SOX5: variants seen among roughly 807,000 people sequenced by gnomAD.
The protein encoded by SOX5 is SRY-box transcription factor 5.
A neutral mutation model predicts 92.0 loss-of-function variants in SOX5; 9 were observed. That is an observed-to-expected ratio of 0.10 (90% CI 0.06 to 0.17). The LOEUF is 0.17. Among genes scored for constraint, SOX5 ranks in the 10% least tolerant of loss-of-function variants. The probability of loss-of-function intolerance (pLI) is 1.00; values close to 1 mark genes in which losing one functional copy is unlikely to be tolerated. For synonymous variants in SOX5, 344 were observed against 336.3 expected, an observed-to-expected ratio of 1.02 and a Z score of -0.25; for missense variants, 642 against 944.5, an observed-to-expected ratio of 0.68 and a Z score of 4.20.
Position 23,669,814 on chromosome 12 carries a change from C to T in SOX5, c.811-4250G>A, listed in dbSNP as rs116586624. 2.2e-3 allele frequency among the ~76,000 whole-genome samples: 330 copies of T among 152,174 alleles called. 2 individuals are homozygous for T. Among genetic ancestry groups the T allele is most frequent in the African/African-American group, 7.6e-3 (317 of 41,526 alleles). On this transcript the variant is annotated intron_variant, in intron 6 of 14. Coordinates refer to ENST00000451604, the MANE Select transcript of SOX5 (RefSeq NM_006940.6). ...AATTTTCATGCAAAAGTGATGGCTA[C>T]GGTTTTGGATATGACGTGGCTGAGG...
At chr12:24,108,293 TG>T (rs1946915401) in intron 4 of SOX5, among the ~76,000 whole-genome samples, 1 of 151,966 alleles carries the variant, frequency 6.6e-6, no homozygotes, top group South Asian at 2.1e-4. Flanking sequence ...GGATGTTTTT[TG>T]TTAATTATAG....
chr12:24,282,910 C>A (rs2140429926), intron 2 of SOX5, among the ~76,000 whole-genome samples: 1 of 152,336 alleles, frequency 6.6e-6, no homozygotes, highest in East Asian at 1.9e-4. Context: ...GTGTAGACAG[C>A]TTTACCTTTG....
At chr12:23,848,260 TAAAATATCA>T (rs2096596358) in intron 2 of SOX5, among the ~76,000 whole-genome samples, 1 of 152,132 alleles carries the variant, frequency 6.6e-6, no homozygotes, top group Admixed American at 6.5e-5. Flanking sequence ...TCAAGTCTAT[TAAAATATCA>T]AAAATATCAA....
intron 3 of SOX5, among the ~76,000 whole-genome samples, chr12:23,761,978 A>G (rs1444511939): frequency 6.6e-6 from 1 of 152,168 alleles, no homozygotes; most frequent in African/African-American, 2.4e-5. Flanking sequence ...TTATTAAGTT[A>G]TGTATAATAA....
At chr12:23,905,959 A>G (rs1047917852) in intron 1 of SOX5, among the ~76,000 whole-genome samples, 1 of 152,194 alleles carries the variant, frequency 6.6e-6, no homozygotes, top group Non-Finnish European at 1.5e-5. Context: ...TTGGTCACAG[A>G]GTCTCTCTAA....
chr12:24,127,031 C>T (rs1262137900), intron 4 of SOX5, among the ~76,000 whole-genome samples: 1 of 151,926 alleles, frequency 6.6e-6, no homozygotes, highest in African/African-American at 2.4e-5. Context: ...ACTACAAATG[C>T]ATTTAACATA....
rs1001683184 is a variant in SOX5 at position 24,105,935 on chromosome 12, C to T, written c.-2+107408G>A. On this transcript the variant is annotated intron_variant, in intron 4 of 4. Coordinates refer to the SOX5 transcript ENST00000446891. Reference sequence around the variant, plus strand: ...AGTTAGGAAATTATTTCATTCTTTTCCCCTAATACTTTAGAATATCTTCCT... The same window carrying T: ...AGTTAGGAAATTATTTCATTCTTTTTCCCTAATACTTTAGAATATCTTCCT... 5.2e-4 allele frequency among the ~76,000 whole-genome samples: 79 copies of T among 152,216 alleles called. 1 individual carries two copies. Among genetic ancestry groups the T allele is most frequent in the Non-Finnish European group, 1.0e-3 (70 of 67,988 alleles).
rs562924254 is a variant in SOX5 at position 24,340,251 on chromosome 12, T to C, written c.-174+28312A>G. 1.5e-3 allele frequency among the ~76,000 whole-genome samples: 222 copies of C among 152,366 alleles called. 1 individual carries two copies. The highest frequency in any genetic ancestry group is 5.1e-3 in the African/African-American group (213 of 41,588). On this transcript the variant is annotated intron_variant, in intron 2 of 4. Transcript: ENST00000446891. ...AAGTTATATCACACTCATTACTGAA[T>C]AATCTGCTTTGAAAGGTAGTGTATT...
chr12:24,321,812 CAG>C (rs1435704757), intron 2 of SOX5, among the ~76,000 whole-genome samples: 1 of 152,090 alleles, frequency 6.6e-6, no homozygotes, highest in African/African-American at 2.4e-5. Flanking sequence ...AGTATTAAAA[CAG>C]AAATTAAGCG....
chr12:23,868,894 G>A (rs1048651164), intron 2 of SOX5, among the ~76,000 whole-genome samples: 16 of 152,052 alleles, frequency 1.1e-4, no homozygotes, highest in African/African-American at 3.9e-4. Context: ...AACCTCTTAT[G>A]ACTCCTCAAC....
At chr12:24,255,326 G>T (rs1428566289) in intron 3 of SOX5, among the ~76,000 whole-genome samples, 1 of 152,134 alleles carries the variant, frequency 6.6e-6, no homozygotes, top group Non-Finnish European at 1.5e-5. Context: ...TTAATTCTTA[G>T]GAAAATAGCT....
chr12:24,479,882 T>C (rs1597147441), intron 1 of SOX5, among the ~76,000 whole-genome samples: 1 of 152,106 alleles, frequency 6.6e-6, no homozygotes, highest in Non-Finnish European at 1.5e-5. Flanking sequence ...GCCAGGCTGG[T>C]CTCGAACTCC....
In SOX5 at chr12:23,531,176, G is replaced by T. The variant is rs1436240119; in HGVS notation, c.*3043C>A. On this transcript the variant is annotated 3_prime_UTR_variant, in exon 15 of 15. Transcript: ENST00000451604. Reference sequence around the variant, plus strand: ...AAAACTAGGGCAAAGAAAATTTGATGTCCAGTGAATTAACCGTCAGAACAA... The same window carrying T: ...AAAACTAGGGCAAAGAAAATTTGATTTCCAGTGAATTAACCGTCAGAACAA... 2.6e-5 allele frequency: 4 copies of T among 152,226 alleles called. No homozygotes were observed. The East Asian group carries it at 7.7e-4, about 29-fold the overall frequency. 9.4% of individuals were successfully genotyped at this position (152,226 alleles called of 1,614,324 possible). A position where few individuals can be genotyped will look rare whatever the true frequency, so the allele number is the denominator to read the frequency against.
intron 3 of SOX5, among the ~76,000 whole-genome samples, chr12:23,819,636 T>G (rs533772638): frequency 7.3e-4 from 111 of 152,278 alleles, no homozygotes; most frequent in African/African-American, 2.6e-3. Flanking sequence ...TGTCCATGTG[T>G]TCTCATTGTT....
chr12:24,483,618 T>C (rs572208447), intron 1 of SOX5, among the ~76,000 whole-genome samples: 102 of 152,330 alleles, frequency 6.7e-4, no homozygotes, highest in African/African-American at 2.2e-3. Flanking sequence ...CAAAGTTGCC[T>C]GGCGACATAG....
intron 4 of SOX5, among the ~76,000 whole-genome samples, chr12:24,050,351 A>G (rs1187645704): frequency 6.6e-6 from 1 of 152,176 alleles, no homozygotes; most frequent in East Asian, 1.9e-4. Flanking sequence ...TACTCAGAGG[A>G]TCATAAGCTT....
rs147503017 is a variant in SOX5, at chr12:24,318,157, C to T, written c.-173-40845G>A. ...CCGGGAGGCAGAGATTGCAGTGAAC[C>T]GAGATCATACCATTGCACTCCAGCC... On this transcript the variant is annotated intron_variant, in intron 2 of 4. Coordinates refer to the SOX5 transcript ENST00000446891. 1.9e-3 allele frequency among the ~76,000 whole-genome samples: 285 copies of T among 152,142 alleles called. 3 individuals are homozygous for T. The highest frequency in any genetic ancestry group is 5.7e-3 in the African/African-American group (235 of 41,504).
intron 4 of SOX5, among the ~76,000 whole-genome samples, chr12:24,152,171 A>T (rs1269800825): frequency 1.3e-5 from 2 of 152,144 alleles, no homozygotes; most frequent in Admixed American, 6.6e-5. Flanking sequence ...ATGTTTTTAA[A>T]TAAAAATGAA....
chr12:23,991,353 A>G (rs1355932524), intron 4 of SOX5, among the ~76,000 whole-genome samples: 1 of 151,640 alleles, frequency 6.6e-6, no homozygotes, highest in Admixed American at 6.6e-5. Context: ...AAAAAAATAT[A>G]TATATATATA....
Sources: allele counts gnomAD v4.1 joint callset (sites outside exome capture counted in the v4.1 genomes callset), GRCh38; gene constraint gnomAD v4.1.1; transcripts MANE v1.5; gene names NCBI Gene and HGNC (gene_info 2026-07-23, HGNC 2026-07-21).